NOTCH2: variants seen among roughly 807,000 people sequenced by gnomAD.
The protein encoded by NOTCH2 is notch receptor 2, also known as neurogenic locus notch homolog protein 2.
A neutral mutation model predicts 235.8 loss-of-function variants in NOTCH2; 29 were observed. The ratio of observed to expected loss-of-function variants is 0.12; its 90% confidence interval spans 0.09 to 0.17. The LOEUF is 0.17. Among genes scored for constraint, NOTCH2 ranks in the 10% least tolerant of loss-of-function variants. The pLI is 1.00. For synonymous variants in NOTCH2, 1,086 were observed against 1,141.5 expected (o/e 0.95, Z 0.98); for missense variants, 2,285 against 3,150.2 (o/e 0.73, Z 6.57).
intron 22 of NOTCH2, 56 bp downstream of exon 22, chr1:119,935,416 G>T: frequency 6.2e-7 from 1 of 1,613,662 alleles, no homozygotes. Flanking sequence ...ACTAAGAATG[G>T]ATTTATAACT....
At chr1:119,917,387 T>G (rs1038255846) in intron 33 of NOTCH2, among the ~76,000 whole-genome samples, 1 of 151,768 alleles carries the variant, frequency 6.6e-6, no homozygotes, top group Non-Finnish European at 1.5e-5. Flanking sequence ...AAGAGACAAC[T>G]GGAGAAAAGG....
intron 5 of NOTCH2, among the ~76,000 whole-genome samples, chr1:119,984,184 A>G (rs1397843980): frequency 2.6e-5 from 4 of 152,228 alleles, no homozygotes; most frequent in Non-Finnish European, 5.9e-5. Context: ...AAACACATGG[A>G]GTAAATCACC....
At position 119,978,892 on chromosome 1, in the gene NOTCH2, GA is replaced by G. The variant is rs587737762; in HGVS notation, c.874+8067del. ...TACTCTGCTCAGAATGAGTAAAATG[GA>G]AAAAAACAACATGGCACCTATTAAA... On this transcript the variant is annotated intron_variant, in intron 5 of 33. Transcript: ENST00000256646. 6.2e-4 allele frequency among the ~76,000 whole-genome samples: 95 copies of G among 152,052 alleles called. 1 individual carries two copies. The highest frequency in any genetic ancestry group is 6.8e-3 in the Middle Eastern group (2 of 294).
intron 1 of NOTCH2, chr1:120,068,976 T>A (rs1188190328): frequency 9.3e-7 from 1 of 1,077,434 alleles, no homozygotes; most frequent in East Asian, 3.7e-5. Flanking sequence ...CGCCGTCGGC[T>A]CTCGCTCGAC....
chr1:119,972,712 T>C (rs1456556898), intron 5 of NOTCH2, among the ~76,000 whole-genome samples: 2 of 152,174 alleles, frequency 1.3e-5, no homozygotes, highest in East Asian at 3.9e-4. Context: ...AATTGTCTCA[T>C]TTATATCTGA....
At chr1:120,041,848 GAGAAAAGAA>G (rs1329477238) in intron 1 of NOTCH2, among the ~76,000 whole-genome samples, 16 of 107,632 alleles carry the variant, frequency 1.5e-4, no homozygotes, top group Non-Finnish European at 2.6e-4. Context: ...AAGAGAGAGA[GAGAAAAGAA>G]AGAAAAGAAA....
At chr1:119,988,202 T>C (rs1553202461) in intron 4 of NOTCH2, among the ~76,000 whole-genome samples, 1 of 152,172 alleles carries the variant, frequency 6.6e-6, no homozygotes, top group Admixed American at 6.6e-5. Context: ...AATCACACTT[T>C]GCTTTATTCC....
At chr1:120,042,706 T>C (rs1654625377) in intron 1 of NOTCH2, among the ~76,000 whole-genome samples, 1 of 150,678 alleles carries the variant, frequency 6.6e-6, no homozygotes. Context: ...CAATGCATTG[T>C]AATCACTTTG....
intron 2 of NOTCH2, among the ~76,000 whole-genome samples, chr1:120,015,177 T>A (rs1427072572): frequency 3.9e-5 from 6 of 152,160 alleles, no homozygotes; most frequent in Admixed American, 1.3e-4. Context: ...AAAAGTCTCA[T>A]GTGGGTTGCG....
rs587728580 is a variant in NOTCH2 at position 120,007,746 on chromosome 1, T to C, written c.156-2158A>G. ...ATCTTTTCTGTCTTCTTTGTGCTTA[T>C]TGAGGAAAATACAATGCCCCATCCA... On this transcript the variant is annotated intron_variant, in intron 2 of 33. Transcript: ENST00000256646. Among the ~76,000 whole-genome samples the C allele has an allele frequency of 6.4e-4, 98 of 152,120 alleles. 1 individual carries two copies. The highest frequency in any genetic ancestry group is 6.8e-3 in the Middle Eastern group (2 of 294).
intron 25 of NOTCH2, 86 bp downstream of exon 25, chr1:119,925,219 G>T: frequency 1.3e-6 from 2 of 1,541,812 alleles, no homozygotes; most frequent in Non-Finnish European, 1.8e-6. Context: ...TTAGGCTGAA[G>T]CACTGGAGTG....
intron 1 of NOTCH2, among the ~76,000 whole-genome samples, chr1:120,047,767 T>G (rs1312973552): frequency 3.5e-4 from 47 of 134,950 alleles, no homozygotes; most frequent in African/African-American, 1.4e-3. Flanking sequence ...TTACCTTGGT[T>G]TTTTTTTTTT....
Position 119,937,813 on chromosome 1 carries a change from C to CAATACTGCA in NOTCH2, c.3337+35_3337+43dup, listed in dbSNP as rs782722109. The CAATACTGCA allele has an allele frequency of 9.9e-6, 16 of 1,610,272 alleles. No individual in the cohort carries two copies. In the African/African-American group the frequency reaches 2.0e-4, roughly 20 times the overall value. On this transcript the variant is annotated intron_variant, in intron 20 of 33. Coordinates refer to ENST00000256646, the MANE Select transcript of NOTCH2 (RefSeq NM_024408.4). ...CCTTCTCTAAATGCCACTGGACAGT[C>CAATACTGCA]AATACTGCAGTGAATGACCTGAGCC...
Position 119,915,639 on chromosome 1 carries a change from C to A in NOTCH2, c.7083G>T (p.Gln2361His). 1 of 1,614,066 alleles carries A rather than the reference C, an allele frequency of 6.2e-7. No individual in the cohort carries two copies. Among genetic ancestry groups the A allele is most frequent in the Non-Finnish European group, 8.5e-7 (1 of 1,180,028 alleles). The change falls in exon 34 of 34, where the codon CAG becomes CAT. Residue 2361 changes from glutamine to histidine, a missense_variant. This residue lies in a region of NOTCH2 where 504 missense variants were observed against 538.0 expected (regional missense o/e 0.94). Coordinates refer to ENST00000256646, the MANE Select transcript of NOTCH2 (RefSeq NM_024408.4). Reference protein sequence around the residue: ...VAFPTAMMPQQDGQVAQTILP... With the variant: ...VAFPTAMMPQHDGQVAQTILP... ...GAATGGTCTGAGCTACCTGCCCGTC[C>A]TGCTGGGGCATCATGGCAGTGGGGA...
Position 120,005,394 on chromosome 1 carries a change from T to C in NOTCH2, c.350A>G (p.Asn117Ser). The C allele has an allele frequency of 3.1e-6, 5 of 1,614,048 alleles. No individual in the cohort carries two copies. Among genetic ancestry groups the C allele is most frequent in the Non-Finnish European group, 4.2e-6 (5 of 1,179,872 alleles). ...GCTGAGCATATGGCATGTGCCGCCA[T>C]TCAGGCAGGGTCGAGACACAAAGCA... ...HPCFVSRPCL[N>S]GGTCHMLSRD... The change falls in exon 3 of 34, where the codon AAT becomes AGT. Residue 117 changes from asparagine (N) to serine (S), a missense_variant. By Grantham distance (46) the Asn-to-Ser change is conservative. Transcript: ENST00000256646.
intron 2 of NOTCH2, among the ~76,000 whole-genome samples, chr1:120,014,473 C>T (rs1409598183): frequency 8.7e-5 from 13 of 148,780 alleles, no homozygotes; most frequent in South Asian, 2.1e-4. Context: ...TTCAAACATA[C>T]GCATGGGGTT....
chr1:119,915,369 ACCT>A lies in NOTCH2; in HGVS notation c.7350_7352del (p.Gly2451del). The stretch of plus-strand genomic sequence containing the variant: ...ACATGTGTGTCCCAGGTCCCCGCTG[ACCT>A]CCTCCAGCACCCCCAGGGGTAGGGC... On this transcript the variant is annotated inframe_deletion, in exon 34 of 34. Transcript: ENST00000256646. The A allele has an allele frequency of 6.2e-7, 1 of 1,613,986 alleles. No individual in the cohort carries two copies. Among genetic ancestry groups the A allele is most frequent in the Non-Finnish European group, 8.5e-7 (1 of 1,180,006 alleles).
At chr1:119,940,515 G>A (rs1553196303) in intron 19 of NOTCH2, 40 bp downstream of exon 19, 4 of 1,553,946 alleles carry the variant, frequency 2.6e-6, no homozygotes, top group East Asian at 4.5e-5. Context: ...ATATTCAGCT[G>A]CTCTAGGGGA....
chr1:119,963,884 C>T (rs2101137787), intron 10 of NOTCH2, 77 bp from the exon 11 acceptor site: 1 of 1,230,094 alleles, frequency 8.1e-7, no homozygotes, highest in Admixed American at 1.7e-5. Context: ...GTAGCTACAT[C>T]CATTTACTCT....
Sources: allele counts gnomAD v4.1 joint callset (sites outside exome capture counted in the v4.1 genomes callset), GRCh38; gene constraint gnomAD v4.1.1; regional missense constraint gnomAD v4.1.1; transcripts MANE v1.5; gene names NCBI Gene and HGNC (gene_info 2026-07-23, HGNC 2026-07-21).